The following CCDC158 variants were observed in gnomAD, a reference collection of about 807,000 sequenced individuals.
The protein encoded by CCDC158 is coiled-coil domain containing 158.
A neutral mutation model predicts 138.6 loss-of-function variants in CCDC158; 116 were observed. The ratio of observed to expected loss-of-function variants is 0.84; its 90% CI spans 0.72 to 0.98. The LOEUF is 0.98. CCDC158 is among the 50% of genes least tolerant of loss of function. The pLI, the probability that CCDC158 is intolerant of heterozygous loss-of-function variation, is 0.00. For missense variants in CCDC158, 1,265 were observed against 1,306.1 expected (o/e 0.97, Z 0.48); for synonymous variants, 436 against 442.4 (o/e 0.99, Z 0.18).
intron 11 of CCDC158, 117 bp from the exon 12 acceptor site, chr4:76,367,893 TC>T (rs1724849495): frequency 4.3e-5 from 35 of 822,196 alleles, no homozygotes; most frequent in African/African-American, 5.1e-5. Context: ...TTTAGTAAGA[TC>T]TTTTTTTTTT....
chr4:76,421,460 C>T (rs1412967803), upstream of CCDC158, among the ~76,000 whole-genome samples: 1 of 152,124 alleles, frequency 6.6e-6, no homozygotes, highest in Non-Finnish European at 1.5e-5. Flanking sequence ...ACCCGGCGCC[C>T]TCTGCCGCTT....
At position 76,334,067 on chromosome 4, in the gene CCDC158, G is replaced by A. The variant is rs751171490; in HGVS notation, c.2765C>T (p.Ser922Phe). Residue 922 changes from serine to phenylalanine, a missense_variant, in exon 19 of 25, where the codon TCT becomes TTT. Physicochemically the swap from Ser to Phe is radical, Grantham distance 155. Coordinates refer to ENST00000682701, the MANE Select transcript of CCDC158 (RefSeq NM_001394954.1). ...RSVINEEPAVSLSKTEEDGRT... is the reference protein window; with the variant it reads ...RSVINEEPAVFLSKTEEDGRT... ...TCCATCTTCCTCTGTCTTGCTCAGA[G>A]ACACAGCTGGCTCCTCATTGATCAC... is the stretch of plus-strand genomic sequence containing the variant. 1.2e-6 allele frequency: 2 copies of A among 1,613,934 alleles called. No homozygotes were observed. The highest frequency in any genetic ancestry group is 1.7e-5 in the Admixed American group (1 of 60,014).
At chr4:76,417,908 G>C (rs1356498972) in intron 1 of CCDC158, among the ~76,000 whole-genome samples, 1 of 152,218 alleles carries the variant, frequency 6.6e-6, no homozygotes, top group Non-Finnish European at 1.5e-5. Flanking sequence ...TGAGGCTGCA[G>C]GGTAGCTAAG....
chr4:76,368,099 A>G (rs1724872159), intron 11 of CCDC158, among the ~76,000 whole-genome samples: 1 of 152,124 alleles, frequency 6.6e-6, no homozygotes, highest in Non-Finnish European at 1.5e-5. Flanking sequence ...TGTAAGACTG[A>G]CATATGCTAA....
intron 18 of CCDC158, among the ~76,000 whole-genome samples, chr4:76,346,493 C>A (rs371641644): frequency 1.3e-5 from 2 of 152,316 alleles, no homozygotes; most frequent in African/African-American, 4.8e-5. Context: ...GGGTGGATCA[C>A]AAGGTCAAGA....
At chr4:76,363,403 G>T (rs1724348519) in intron 12 of CCDC158, among the ~76,000 whole-genome samples, 1 of 152,130 alleles carries the variant, frequency 6.6e-6, no homozygotes, top group African/African-American at 2.4e-5. Flanking sequence ...TGCTGATTTT[G>T]CTTTGTATCC....
intron 3 of CCDC158, 104 bp downstream of exon 3, chr4:76,403,034 G>T: frequency 2.6e-6 from 2 of 756,936 alleles, no homozygotes. Flanking sequence ...ATCATGGTCT[G>T]TAACCCACAT....
At chr4:76,325,321 T>C (rs574561588) in intron 23 of CCDC158, among the ~76,000 whole-genome samples, 154 of 152,344 alleles carry the variant, frequency 1.0e-3, no homozygotes, top group Non-Finnish European at 1.8e-3. Context: ...CTGTCATACA[T>C]GATGAGAAAT....
intron 18 of CCDC158, among the ~76,000 whole-genome samples, chr4:76,343,368 G>A (rs1349393769): frequency 6.6e-6 from 1 of 152,126 alleles, no homozygotes; most frequent in African/African-American, 2.4e-5. Context: ...TAGCTTTTTA[G>A]GGCCTCAGTC....
At chr4:76,375,208 C>CA (rs1725602081) in intron 9 of CCDC158, 1 of 243,086 alleles carries the variant, frequency 4.1e-6, no homozygotes, top group Non-Finnish European at 7.8e-6. Flanking sequence ...TTTATTTTTA[C>CA]GTAGTAGCAC....
intron 4 of CCDC158, among the ~76,000 whole-genome samples, chr4:76,394,589 A>G (rs1256657914): frequency 6.6e-6 from 1 of 152,138 alleles, no homozygotes; most frequent in Non-Finnish European, 1.5e-5. Flanking sequence ...ACTATAGTCA[A>G]TAATAATTTA....
intron 15 of CCDC158, among the ~76,000 whole-genome samples, chr4:76,354,517 T>C (rs949832514): frequency 1.3e-5 from 2 of 152,200 alleles, no homozygotes; most frequent in African/African-American, 2.4e-5. Context: ...TCTTCTGAAA[T>C]AGACGCTTTT....
chr4:76,321,597 TATA>T (rs1289920103), intron 24 of CCDC158, among the ~76,000 whole-genome samples: 8 of 147,006 alleles, frequency 5.4e-5, no homozygotes, highest in African/African-American at 2.0e-4. Context: ...ATATATATAA[TATA>T]ATATATTATA....
intron 1 of CCDC158, among the ~76,000 whole-genome samples, chr4:76,419,117 TC>T (rs1729918202): frequency 6.6e-6 from 1 of 152,198 alleles, no homozygotes; most frequent in Non-Finnish European, 1.5e-5. Flanking sequence ...TTACCTTTAT[TC>T]TTTTTAGCCA....
At chr4:76,352,910 A>T (rs1682549814) in intron 16 of CCDC158, 1 of 415,436 alleles carries the variant, frequency 2.4e-6, no homozygotes, top group South Asian at 6.6e-5. Flanking sequence ...CTGAAAAAGA[A>T]AATTTGGCAA....
At chr4:76,321,730 T>G (rs1720027310) in intron 24 of CCDC158, among the ~76,000 whole-genome samples, 1 of 146,372 alleles carries the variant, frequency 6.8e-6, no homozygotes, top group Middle Eastern at 3.3e-3. Context: ...ATTTACATGG[T>G]GTGTACACAT....
chr4:76,361,487 G>A (rs182132993), intron 13 of CCDC158, among the ~76,000 whole-genome samples: 1,591 of 152,236 alleles, frequency 0.01, 10 homozygotes, highest in South Asian at 0.041. Flanking sequence ...GCATGAACCC[G>A]GGAGGCGGAG....
intron 1 of CCDC158, among the ~76,000 whole-genome samples, chr4:76,413,845 A>T (rs528553558): frequency 4.6e-5 from 7 of 152,384 alleles, no homozygotes; most frequent in African/African-American, 1.7e-4. Context: ...AAAGCCAGAT[A>T]GGAACAATTC....
intron 24 of CCDC158, among the ~76,000 whole-genome samples, chr4:76,314,071 A>G (rs949508510): frequency 6.6e-6 from 1 of 152,222 alleles, no homozygotes; most frequent in African/African-American, 2.4e-5. Flanking sequence ...CTTATAGAAT[A>G]AATTGCTAGA....
Sources: gnomAD v4.1 joint callset for allele counts (sites outside exome capture counted in the v4.1 genomes callset) on GRCh38, gnomAD v4.1.1 for gene constraint, MANE v1.5 for transcripts, NCBI Gene and HGNC (gene_info 2026-07-23, HGNC 2026-07-21) for gene names.